The following NDE1 variants were observed in gnomAD, a reference collection of about 807,000 sequenced individuals.
NDE1 encodes nuclear distribution protein nudE homolog 1.
NDE1 carries 28 observed loss-of-function variants against 43.4 expected under a neutral mutation model. The observed-to-expected ratio is 0.65, with a 90% confidence interval of 0.48 to 0.89. NDE1 has a LOEUF of 0.89. NDE1 is among the 40% of genes least tolerant of loss of function. The probability of loss-of-function intolerance (pLI) is 0.00; values close to 1 mark genes in which losing one functional copy is unlikely to be tolerated. For missense variants in NDE1, 441 were observed against 434.1 expected (o/e 1.02, Z -0.14); for synonymous variants, 184 against 172.0 (o/e 1.07, Z -0.55).
intron 1 of NDE1, among the ~76,000 whole-genome samples, chr16:15,654,372 G>T (rs1336372760): frequency 6.6e-6 from 1 of 151,826 alleles, no homozygotes; most frequent in Non-Finnish European, 1.5e-5. Flanking sequence ...GGCCTAGGTG[G>T]GCAGATCACC....
chr16:15,682,762 T>C (rs1171509648), intron 4 of NDE1, among the ~76,000 whole-genome samples: 1 of 152,218 alleles, frequency 6.6e-6, no homozygotes, highest in Non-Finnish European at 1.5e-5. Flanking sequence ...TCTTGCTCTG[T>C]AGCCCAGGCT....
intron 2 of NDE1, among the ~76,000 whole-genome samples, chr16:15,666,518 A>G (rs1056973440): frequency 6.6e-6 from 1 of 152,142 alleles, no homozygotes; most frequent in Non-Finnish European, 1.5e-5. Context: ...CTGAGGTGGG[A>G]GAATTGCTTG....
chr16:15,647,621 A>T (rs1330693030), upstream of NDE1, among the ~76,000 whole-genome samples: 2 of 152,118 alleles, frequency 1.3e-5, no homozygotes, highest in African/African-American at 4.8e-5. Flanking sequence ...AAATGACGTT[A>T]CTTTTTCTGC....
Position 15,667,627 on chromosome 16 carries a change from G to T in NDE1, c.237+188G>T, listed in dbSNP as rs528760413. ...GTGCCTCTAGTGGGTGGTGCTTTTT[G>T]TTTTGTTTTTTTTTTTTTTTTGAGA... On this transcript the variant is annotated intron_variant, in intron 3 of 8. Coordinates refer to ENST00000396354, the MANE Select transcript of NDE1 (RefSeq NM_017668.3). Among the ~76,000 whole-genome samples the T allele has an allele frequency of 1.5e-3, 167 of 113,066 alleles. 2 individuals carry two copies. Among genetic ancestry groups the T allele is most frequent in the Admixed American group, 3.2e-3 (32 of 10,118 alleles). The allele number at this position is 113,066 out of a possible 152,430, so 74.2% of individuals were successfully genotyped here.
intron 8 of NDE1, among the ~76,000 whole-genome samples, chr16:15,710,035 C>T (rs969956826): frequency 3.9e-5 from 6 of 152,202 alleles, no homozygotes; most frequent in African/African-American, 1.4e-4. Context: ...TCCCTCAGGG[C>T]TCTAGTGCCT....
At chr16:15,665,522 GC>G in intron 2 of NDE1, among the ~76,000 whole-genome samples, 1 of 151,334 alleles carries the variant, frequency 6.6e-6, no homozygotes, top group Non-Finnish European at 1.5e-5. Flanking sequence ...TTGGCTCACT[GC>G]AGCCTCCACC....
At position 15,668,821 on chromosome 16, in the gene NDE1, G is replaced by C. The variant is rs142534802; in HGVS notation, c.237+1382G>C. ...TCTGCCAGTTCAGAGCAGGTTTCTC[G>C]ACCTGGCTGCTGTTGACATTGGAGC... On this transcript the variant is annotated intron_variant, in intron 3 of 8. Coordinates refer to ENST00000396354, the MANE Select transcript of NDE1 (RefSeq NM_017668.3). 4.6e-3 allele frequency among the ~76,000 whole-genome samples: 693 copies of C among 152,256 alleles called. 2 individuals are homozygous for C. The highest frequency in any genetic ancestry group is 0.014 in the African/African-American group (589 of 41,558).
At chr16:15,653,142 C>T (rs1011743672) in intron 1 of NDE1, among the ~76,000 whole-genome samples, 11 of 152,230 alleles carry the variant, frequency 7.2e-5, no homozygotes, top group Middle Eastern at 6.8e-3. Flanking sequence ...AAATGGGCAC[C>T]CATTTTTAAC....
In NDE1 at chr16:15,719,575, G is replaced by A. The variant is rs775737495; in HGVS notation, c.948-4616G>A. ...GCATCTGAGGCTCTCCTAGCAAGGC[G>A]AGGCTTTACCTCTTGTAGCTGCATG... On this transcript the variant is annotated intron_variant, in intron 8 of 8. Transcript: ENST00000396354. 17 of 1,613,890 alleles carry A rather than the reference G, an allele frequency of 1.1e-5. No individual in the cohort carries two copies. Among genetic ancestry groups the A allele is most frequent in the South Asian group, 3.3e-5 (3 of 91,076 alleles).
chr16:15,663,495 G>T (rs2037151302), intron 1 of NDE1, among the ~76,000 whole-genome samples: 1 of 151,846 alleles, frequency 6.6e-6, no homozygotes, highest in African/African-American at 2.4e-5. Context: ...GCCTGCCTCA[G>T]CCTCCCAGTG....
At chr16:15,691,504 T>C (rs534697120) in intron 6 of NDE1, among the ~76,000 whole-genome samples, 181 bp downstream of exon 6, 1 of 151,932 alleles carries the variant, frequency 6.6e-6, no homozygotes, top group African/African-American at 2.4e-5. Flanking sequence ...CAGTGAGGAC[T>C]GGGTAAGAGG....
chr16:15,695,219 T>A (rs1292525732), intron 7 of NDE1, among the ~76,000 whole-genome samples: 1 of 148,920 alleles, frequency 6.7e-6, no homozygotes, highest in Non-Finnish European at 1.5e-5. Flanking sequence ...TTTTTTTTTT[T>A]TTTTTTTTGG....
chr16:15,724,907 G>A lies in NDE1; in HGVS notation c.*656G>A. 1 of 1,614,148 alleles carries A rather than the reference G, an allele frequency of 6.2e-7. No individual in the cohort carries two copies. Among genetic ancestry groups the A allele is most frequent in the Non-Finnish European group, 8.5e-7 (1 of 1,180,034 alleles). On this transcript the variant is annotated 3_prime_UTR_variant, in exon 9 of 9. Coordinates refer to ENST00000396354, the MANE Select transcript of NDE1 (RefSeq NM_017668.3). ...ACTCACCTGGGTGTCCTGGAGCTGG[G>A]AACTGAGGGACGCCACGTCCTTGGC...
chr16:15,694,030 G>GA, intron 6 of NDE1, 135 bp from the exon 7 acceptor site: 1 of 1,070,856 alleles, frequency 9.3e-7, no homozygotes, highest in Non-Finnish European at 1.4e-6. Context: ...ACTACGGAAA[G>GA]AAATAGGGTA....
intron 8 of NDE1, chr16:15,715,381 G>C (rs559186144): frequency 2.1e-4 from 196 of 955,240 alleles, no homozygotes; most frequent in South Asian, 5.8e-4. Flanking sequence ...CCCGTATCTG[G>C]ACTCCTCTCA....
intron 4 of NDE1, among the ~76,000 whole-genome samples, chr16:15,680,301 C>T (rs978494025): frequency 6.6e-6 from 1 of 151,950 alleles, no homozygotes; most frequent in Admixed American, 6.6e-5. Context: ...TGTGGGGGGG[C>T]CCACGGTGAT....
At chr16:15,678,397 T>A (rs1008773007) in intron 4 of NDE1, among the ~76,000 whole-genome samples, 1 of 151,154 alleles carries the variant, frequency 6.6e-6, no homozygotes, top group African/African-American at 2.4e-5. Context: ...AGACGGAGAG[T>A]CTCTGTCGCC....
rs967786544 is a variant in NDE1, at chr16:15,695,509, A to T, written c.796-1200A>T. ...AGACTTGGTCTCAAAAAAAAAAAAA[A>T]AAAAAATCTTGAAAGCCTAGGGCAA... is the stretch of plus-strand genomic sequence containing the variant. On this transcript the variant is annotated intron_variant, in intron 7 of 8. Coordinates refer to ENST00000396354, the MANE Select transcript of NDE1 (RefSeq NM_017668.3). 37 of 985,026 alleles carry T rather than the reference A, an allele frequency of 3.8e-5. No individual in the cohort carries two copies. In the African/African-American group the frequency reaches 6.5e-4, roughly 17 times the overall value. 61.0% of individuals were successfully genotyped at this position (985,026 alleles called of 1,614,324 possible).
At position 15,705,237 on chromosome 16, in the gene NDE1, C is replaced by T. The variant is rs3784857; in HGVS notation, c.947+8377C>T. On this transcript the variant is annotated intron_variant, in intron 8 of 8. Transcript: ENST00000396354. ...CCTCAAACGATCCACCTGTCTTAGC[C>T]TCTCAAAGTGTTGGGATTACAGGTG... Among the ~76,000 whole-genome samples, 14 of 152,348 alleles carry T rather than the reference C, an allele frequency of 9.2e-5. No homozygotes were observed. The East Asian group carries it at 2.5e-3, about 27-fold the overall frequency.
Sources: gnomAD v4.1 joint callset for allele counts (sites outside exome capture counted in the v4.1 genomes callset) on GRCh38, gnomAD v4.1.1 for gene constraint, MANE v1.5 for transcripts, NCBI Gene and HGNC (gene_info 2026-07-23, HGNC 2026-07-21) for gene names.